SUGCT: variants seen among roughly 807,000 people sequenced by gnomAD.
SUGCT encodes the protein succinyl-CoA:glutarate CoA-transferase.
In SUGCT, 41 loss-of-function variants were observed where a neutral mutation model predicts 55.0. That is an observed-to-expected ratio of 0.74 (90% CI 0.58 to 0.97). The LOEUF (loss-of-function observed/expected upper bound fraction) is 0.97. SUGCT is among the 50% of genes least tolerant of loss of function. The pLI, the probability that SUGCT is intolerant of heterozygous loss-of-function variation, is 0.00. For missense variants in SUGCT, 568 were observed against 547.8 expected, an observed-to-expected ratio of 1.04 and a Z score of -0.37; for synonymous variants, 187 against 200.4, an observed-to-expected ratio of 0.93 and a Z score of 0.56.
At chr7:40,492,564 C>G (rs1230392452) in intron 11 of SUGCT, among the ~76,000 whole-genome samples, 2 of 152,170 alleles carry the variant, frequency 1.3e-5, no homozygotes, top group African/African-American at 4.8e-5. Flanking sequence ...GTTCTAAACT[C>G]TCTGTCACAT....
chr7:40,930,339 T>C, the SUGCT span, among the ~76,000 whole-genome samples: 2 of 152,230 alleles, frequency 1.3e-5, no homozygotes, highest in African/African-American at 4.8e-5. Flanking sequence ...TAGTATTGTT[T>C]GAAGTTAAGT....
chr7:40,700,928 T>C (rs1341503901), intron 12 of SUGCT, among the ~76,000 whole-genome samples: 1 of 152,140 alleles, frequency 6.6e-6, no homozygotes, highest in East Asian at 1.9e-4. Context: ...CTCCCCTCTC[T>C]TGTAAGTAGC....
chr7:40,717,267 G>T (rs1045147571), intron 12 of SUGCT, among the ~76,000 whole-genome samples: 1 of 152,096 alleles, frequency 6.6e-6, no homozygotes, highest in Non-Finnish European at 1.5e-5. Context: ...TTAGGCTCGC[G>T]GACACATAGA....
At chr7:40,779,687 G>A (rs1357615908) in intron 13 of SUGCT, among the ~76,000 whole-genome samples, 2 of 152,190 alleles carry the variant, frequency 1.3e-5, no homozygotes, top group Admixed American at 1.3e-4. Flanking sequence ...TTTCTCTAAA[G>A]AGCAGAAGAG....
chr7:40,786,926 C>A (rs568643183), intron 13 of SUGCT, among the ~76,000 whole-genome samples: 65 of 152,282 alleles, frequency 4.3e-4, no homozygotes, highest in South Asian at 1.7e-3. Context: ...TATGAATGTA[C>A]CAGTGCACAC....
At chr7:40,907,210 A>G in the SUGCT span, among the ~76,000 whole-genome samples, 1 of 151,740 alleles carries the variant, frequency 6.6e-6, no homozygotes, top group Admixed American at 6.6e-5. Flanking sequence ...CATGAACTTC[A>G]CTGACTTCTA....
intron 1 of SUGCT, among the ~76,000 whole-genome samples, chr7:40,159,269 T>C (rs755116223): frequency 2.6e-5 from 4 of 150,968 alleles, no homozygotes; most frequent in Non-Finnish European, 4.4e-5. Context: ...AGAGAGACAA[T>C]TGGAGTAGTA....
intron 9 of SUGCT, among the ~76,000 whole-genome samples, chr7:40,385,019 ATG>A (rs951500020): frequency 8.5e-5 from 13 of 152,292 alleles, no homozygotes; most frequent in Admixed American, 8.5e-4. Flanking sequence ...TTAAAATAAA[ATG>A]TGATTAGTAT....
chr7:40,243,436 C>T (rs973387375), intron 7 of SUGCT, among the ~76,000 whole-genome samples: 6 of 152,034 alleles, frequency 3.9e-5, no homozygotes, highest in South Asian at 2.1e-4. Context: ...ATAAAAATAA[C>T]AGAAAACTGA....
chr7:40,901,746 G>T, the SUGCT span, among the ~76,000 whole-genome samples: 1 of 152,156 alleles, frequency 6.6e-6, no homozygotes, highest in African/African-American at 2.4e-5. Flanking sequence ...AAATACATTT[G>T]GTTTCTCATG....
At chr7:40,505,485 A>G (rs1287731852) in intron 12 of SUGCT, among the ~76,000 whole-genome samples, 1 of 152,006 alleles carries the variant, frequency 6.6e-6, no homozygotes, top group Non-Finnish European at 1.5e-5. Context: ...CTAGCATACA[A>G]TTTTAATTCC....
At chr7:40,669,816 T>C (rs758245748) in intron 12 of SUGCT, among the ~76,000 whole-genome samples, 7 of 151,872 alleles carry the variant, frequency 4.6e-5, no homozygotes, top group Non-Finnish European at 1.0e-4. Flanking sequence ...CTGTGGGATC[T>C]AACAGCCCTG....
intron 9 of SUGCT, among the ~76,000 whole-genome samples, chr7:40,448,934 G>C (rs1261084064): frequency 2.7e-5 from 4 of 147,300 alleles, no homozygotes; most frequent in South Asian, 4.3e-4. Flanking sequence ...ATGTGTGTGT[G>C]TGTGTGTGTG....
chr7:40,451,104 C>T (rs911765022), intron 10 of SUGCT, among the ~76,000 whole-genome samples: 2 of 152,084 alleles, frequency 1.3e-5, no homozygotes, highest in East Asian at 1.9e-4. Flanking sequence ...ATGAAACATA[C>T]GGAAGCTGTT....
At chr7:40,658,588 T>C (rs757445298) in intron 12 of SUGCT, among the ~76,000 whole-genome samples, 5 of 152,134 alleles carry the variant, frequency 3.3e-5, no homozygotes, top group Non-Finnish European at 5.9e-5. Flanking sequence ...GTAGGGGAAG[T>C]GTCCCTGGCT....
chr7:40,998,372 A>G, the SUGCT span, among the ~76,000 whole-genome samples: 29 of 152,186 alleles, frequency 1.9e-4, no homozygotes, highest in Admixed American at 1.7e-3. Flanking sequence ...ACTCTGAAAA[A>G]AAAAAAGGAG....
chr7:40,732,451 G>A (rs1786942430), intron 12 of SUGCT, among the ~76,000 whole-genome samples: 2 of 152,160 alleles, frequency 1.3e-5, no homozygotes, highest in South Asian at 4.2e-4. Flanking sequence ...GAGATCTTTG[G>A]ATGACCATTA....
chr7:40,226,376 A>G (rs150782359), intron 6 of SUGCT, among the ~76,000 whole-genome samples: 152 of 152,322 alleles, frequency 1.0e-3, no homozygotes, highest in Non-Finnish European at 1.7e-3. Flanking sequence ...CACCAGGTCA[A>G]TAGAAAAAAT....
At chr7:40,359,952 G>A (rs1458115329) in intron 9 of SUGCT, among the ~76,000 whole-genome samples, 1 of 152,184 alleles carries the variant, frequency 6.6e-6, no homozygotes, top group Non-Finnish European at 1.5e-5. Context: ...ACAAATGTTA[G>A]AGAAATGACC....
Sources: gnomAD v4.1 joint callset for allele counts (sites outside exome capture counted in the v4.1 genomes callset) on GRCh38, gnomAD v4.1.1 for gene constraint, MANE v1.5 for transcripts, NCBI Gene and HGNC (gene_info 2026-07-23, HGNC 2026-07-21) for gene names.